Variants in CAMK1D observed in about 807,000 individuals in gnomAD.
CAMK1D encodes calcium/calmodulin-dependent protein kinase type 1D.
Under a neutral mutation model 47.7 loss-of-function variants are expected in CAMK1D, and 9 were observed. That is an observed-to-expected ratio of 0.19 (90% confidence interval 0.11 to 0.33). The LOEUF (loss-of-function observed/expected upper bound fraction) is 0.33. Among genes scored for constraint, CAMK1D ranks in the 10% least tolerant of loss-of-function variants. The pLI is 1.00. For missense variants in CAMK1D, 291 were observed against 488.7 expected, an observed-to-expected ratio of 0.60 and a Z score of 3.81; for synonymous variants, 184 against 184.9, an observed-to-expected ratio of 0.99 and a Z score of 0.04.
At position 12,801,330 on chromosome 10, in the gene CAMK1D, TATC is replaced by T. The variant is rs1564571960; in HGVS notation, c.641+10098_641+10100del. 5.4e-3 allele frequency among the ~76,000 whole-genome samples: 650 copies of T among 120,198 alleles called. 2 individuals carry two copies. Among genetic ancestry groups the T allele is most frequent in the Middle Eastern group, 0.023 (6 of 256 alleles). 78.9% of individuals were successfully genotyped at this position (120,198 alleles called of 152,430 possible). A position where few individuals can be genotyped will look rare whatever the true frequency, so the allele number is the denominator to read the frequency against. Reference sequence around the variant, plus strand: ...CTATCTATCTATCTATCTATCTATCTATCTATCTATCTATCTATCTATCTTATC... The same window carrying T: ...CTATCTATCTATCTATCTATCTATCTTATCTATCTATCTATCTATCTTATC... On this transcript the variant is annotated intron_variant, in intron 6 of 10. Coordinates refer to ENST00000619168, the MANE Select transcript of CAMK1D (RefSeq NM_153498.4).
intron 1 of CAMK1D, among the ~76,000 whole-genome samples, chr10:12,551,864 G>T (rs1036176397): frequency 2.6e-5 from 4 of 152,232 alleles, no homozygotes; most frequent in Non-Finnish European, 5.9e-5. Flanking sequence ...AAAGGTTGGG[G>T]ACCATTGGAC....
chr10:12,648,470 T>C (rs915449642), intron 2 of CAMK1D, among the ~76,000 whole-genome samples: 2 of 152,156 alleles, frequency 1.3e-5, no homozygotes, highest in East Asian at 1.9e-4. Flanking sequence ...TATTTATTTA[T>C]TTACTTACTT....
chr10:12,673,744 A>G (rs1471221739), intron 3 of CAMK1D, among the ~76,000 whole-genome samples: 1 of 152,092 alleles, frequency 6.6e-6, no homozygotes, highest in Non-Finnish European at 1.5e-5. Context: ...TTTTGCCTCC[A>G]TTAGTTATCC....
intron 3 of CAMK1D, among the ~76,000 whole-genome samples, chr10:12,734,322 C>CAAAAAAA (rs1201573872): frequency 8.5e-5 from 2 of 23,578 alleles, no homozygotes; most frequent in African/African-American, 5.3e-4. Flanking sequence ...GACTCCATCT[C>CAAAAAAA]AAAAAAAAAA....
intron 1 of CAMK1D, among the ~76,000 whole-genome samples, chr10:12,507,384 C>G (rs1834908356): frequency 6.6e-6 from 1 of 152,192 alleles, no homozygotes; most frequent in African/African-American, 2.4e-5. Context: ...TGGCCAGCAG[C>G]AGGGAAGCAC....
chr10:12,805,789 C>T (rs529870561), intron 6 of CAMK1D, among the ~76,000 whole-genome samples: 1 of 152,220 alleles, frequency 6.6e-6, no homozygotes, highest in Admixed American at 6.5e-5. Flanking sequence ...CCTTGAAACA[C>T]AGGCATTTAA....
At position 12,831,846 on chromosome 10, in the gene CAMK1D, C is replaced by T. The variant is rs1041252846; in HGVS notation, c.*2959C>T. The T allele has an allele frequency of 7.9e-5, 12 of 152,154 alleles. No homozygotes were observed. The highest frequency in any genetic ancestry group is 1.3e-4 in the Non-Finnish European group (9 of 68,036). 9.4% of individuals were successfully genotyped at this position (152,154 alleles called of 1,614,324 possible). A position where few individuals can be genotyped will look rare whatever the true frequency, so the allele number is the denominator to read the frequency against. ...TTAAAAAGAGGTTGTCTTTGCACTG[C>T]GCTTGGTATGATTTGTTTTCTTATA... On this transcript the variant is annotated 3_prime_UTR_variant, in exon 11 of 11. Transcript: ENST00000619168.
intron 1 of CAMK1D, among the ~76,000 whole-genome samples, chr10:12,398,611 A>G (rs1839057449): frequency 1.3e-5 from 2 of 152,212 alleles, no homozygotes; most frequent in Admixed American, 6.6e-5. Context: ...GGCCTCCCAA[A>G]GTGCTAGGAT....
intron 5 of CAMK1D, among the ~76,000 whole-genome samples, chr10:12,779,238 C>T (rs1287691016): frequency 1.3e-5 from 2 of 152,078 alleles, no homozygotes; most frequent in East Asian, 3.8e-4. Context: ...TCCCCTTGGT[C>T]TCGGCAATAA....
intron 1 of CAMK1D, among the ~76,000 whole-genome samples, chr10:12,481,343 C>A (rs1834058866): frequency 6.6e-6 from 1 of 152,110 alleles, no homozygotes; most frequent in Non-Finnish European, 1.5e-5. Context: ...ACTCAGTACA[C>A]CAGGACCATT....
At chr10:12,382,656 C>G (rs2131875774) in intron 1 of CAMK1D, among the ~76,000 whole-genome samples, 1 of 152,254 alleles carries the variant, frequency 6.6e-6, no homozygotes, top group East Asian at 1.9e-4. Context: ...AAAATCCCAT[C>G]TCTACTAAAA....
intron 1 of CAMK1D, among the ~76,000 whole-genome samples, chr10:12,456,907 G>A (rs1401501763): frequency 6.6e-6 from 1 of 151,976 alleles, no homozygotes; most frequent in East Asian, 1.9e-4. Flanking sequence ...TCCTGTTTCT[G>A]GGAATCTTTA....
chr10:12,399,458 C>A (rs147699611), intron 1 of CAMK1D, among the ~76,000 whole-genome samples: 3 of 151,548 alleles, frequency 2.0e-5, no homozygotes, highest in African/African-American at 7.3e-5. Context: ...GAGCTGAGAT[C>A]GCACCACTGC....
chr10:12,769,523 A>C, intron 4 of CAMK1D, 150 bp from the exon 5 acceptor site: 1 of 750,432 alleles, frequency 1.3e-6, no homozygotes, highest in Non-Finnish European at 2.1e-6. Context: ...CACTGTTTCT[A>C]TTGGCCGCCG....
At chr10:12,563,592 A>G (rs1247349071) in intron 2 of CAMK1D, among the ~76,000 whole-genome samples, 1 of 151,844 alleles carries the variant, frequency 6.6e-6, no homozygotes, top group Non-Finnish European at 1.5e-5. Context: ...ACATAAAATT[A>G]TCCATTACAT....
At chr10:12,593,917 C>G (rs1470592293) in intron 2 of CAMK1D, among the ~76,000 whole-genome samples, 3 of 152,186 alleles carry the variant, frequency 2.0e-5, no homozygotes, top group Non-Finnish European at 4.4e-5. Flanking sequence ...TGGCTCACGC[C>G]TGTAATCTCA....
intron 1 of CAMK1D, among the ~76,000 whole-genome samples, chr10:12,389,351 GGAT>G (rs1564308544): frequency 6.6e-6 from 1 of 152,158 alleles, no homozygotes. Context: ...GGGACATCAA[GGAT>G]TCTGGGACCA....
chr10:12,769,496 C>T (rs1836934759), intron 4 of CAMK1D, among the ~76,000 whole-genome samples, 177 bp from the exon 5 acceptor site: 1 of 152,222 alleles, frequency 6.6e-6, no homozygotes. Context: ...GCCAGACACA[C>T]TGTGCCGGGC....
At chr10:12,688,444 A>G (rs529740732) in intron 3 of CAMK1D, among the ~76,000 whole-genome samples, 41 of 152,344 alleles carry the variant, frequency 2.7e-4, no homozygotes, top group Admixed American at 2.1e-3. Flanking sequence ...AAAGGTACAT[A>G]TAGGAGAGAA....
Sources: gnomAD v4.1 joint callset for allele counts (sites outside exome capture counted in the v4.1 genomes callset) on GRCh38, gnomAD v4.1.1 for gene constraint, MANE v1.5 for transcripts, NCBI Gene and HGNC (gene_info 2026-07-23, HGNC 2026-07-21) for gene names.